The following GRIA1 variants were observed in gnomAD, a reference collection of about 807,000 sequenced individuals.
The protein encoded by GRIA1 is glutamate receptor 1.
Under a neutral mutation model 99.2 loss-of-function variants are expected in GRIA1, and 31 were observed. The ratio of observed to expected loss-of-function variants is 0.31; its 90% confidence interval spans 0.23 to 0.42. The LOEUF (loss-of-function observed/expected upper bound fraction) is 0.42, where lower values mean the gene tolerates loss of function less well. Among genes scored for constraint, GRIA1 ranks in the 10% least tolerant of loss-of-function variants. The pLI, the probability that GRIA1 is intolerant of heterozygous loss-of-function variation, is 1.00. For missense variants in GRIA1, 782 were observed against 1,157.5 expected (o/e 0.68, Z 4.71); for synonymous variants, 438 against 432.4 (o/e 1.01, Z -0.16).
chr5:153,504,959 C>T (rs1036777841), intron 2 of GRIA1, among the ~76,000 whole-genome samples: 3 of 152,142 alleles, frequency 2.0e-5, no homozygotes, highest in African/African-American at 7.2e-5. Context: ...GCCCACACCA[C>T]CAGATGGTAG....
chr5:153,749,371 A>G (rs1235588295), intron 11 of GRIA1, among the ~76,000 whole-genome samples: 2 of 152,130 alleles, frequency 1.3e-5, no homozygotes. Flanking sequence ...CTGGCTGGGT[A>G]ATTTATAAAG....
chr5:153,545,416 A>T (rs757848265), intron 2 of GRIA1, among the ~76,000 whole-genome samples: 112 of 152,240 alleles, frequency 7.4e-4, no homozygotes, highest in Non-Finnish European at 7.4e-4. Flanking sequence ...ACTGGGGGGA[A>T]GTTTGGGTAT....
At chr5:153,712,511 C>T (rs1032936671) in intron 11 of GRIA1, among the ~76,000 whole-genome samples, 2 of 152,142 alleles carry the variant, frequency 1.3e-5, no homozygotes, top group African/African-American at 4.8e-5. Context: ...CTTCCTCTTT[C>T]CCCTCTTTCC....
At chr5:153,658,572 T>C (rs2149467955) in intron 5 of GRIA1, among the ~76,000 whole-genome samples, 1 of 152,350 alleles carries the variant, frequency 6.6e-6, no homozygotes. Flanking sequence ...GTTTGAAACA[T>C]AGTCGAGTAT....
intron 12 of GRIA1, among the ~76,000 whole-genome samples, chr5:153,768,104 G>C (rs1242032874): frequency 6.6e-6 from 1 of 152,178 alleles, no homozygotes; most frequent in Non-Finnish European, 1.5e-5. Flanking sequence ...GTGCCTGGAA[G>C]ATTATCTGCA....
chr5:153,704,574 A>G (rs1424786022), intron 10 of GRIA1, among the ~76,000 whole-genome samples: 1 of 152,138 alleles, frequency 6.6e-6, no homozygotes, highest in African/African-American at 2.4e-5. Flanking sequence ...TAAAAACTGT[A>G]TTATATATGT....
At chr5:153,739,453 C>G (rs1261661557) in intron 11 of GRIA1, among the ~76,000 whole-genome samples, 1 of 152,194 alleles carries the variant, frequency 6.6e-6, no homozygotes, top group Non-Finnish European at 1.5e-5. Context: ...TGATAAATAT[C>G]TGTTGAATAA....
At chr5:153,756,372 G>A (rs1047386273) in intron 11 of GRIA1, among the ~76,000 whole-genome samples, 1 of 152,000 alleles carries the variant, frequency 6.6e-6, no homozygotes, top group Non-Finnish European at 1.5e-5. Flanking sequence ...GTGCCACAGT[G>A]GATCCTGAGG....
chr5:153,743,271 G>T (rs1231150814), intron 11 of GRIA1, among the ~76,000 whole-genome samples: 1 of 152,168 alleles, frequency 6.6e-6, no homozygotes. Context: ...TTCCATTGCT[G>T]TGTAATGAAT....
intron 2 of GRIA1, among the ~76,000 whole-genome samples, chr5:153,523,915 C>A (rs1420553091): frequency 6.6e-6 from 1 of 152,162 alleles, no homozygotes; most frequent in Non-Finnish European, 1.5e-5. Flanking sequence ...TTGAAGACAG[C>A]TTTGAAAAGT....
Position 153,490,857 on chromosome 5 carries a change from TG to T in GRIA1, c.-29del. 2 of 1,518,708 alleles carry T rather than the reference TG, an allele frequency of 1.3e-6. No individual in the cohort carries two copies. The highest frequency in any genetic ancestry group is 1.8e-6 in the Non-Finnish European group (2 of 1,093,090). The allele number at this position is 1,518,708 out of a possible 1,614,324, so 94.1% of individuals were successfully genotyped here. On this transcript the variant is annotated 5_prime_UTR_variant, in exon 1 of 16. Transcript: ENST00000285900. ...GAAACACCAAATCTATGATTGGACC[TG>T]GGCTTCTTTTTCGCCAATGCAAAAA...
At chr5:153,631,010 GAGGAAACAAAAGCTCTTCATTTA>G (rs1752921523) in intron 2 of GRIA1, among the ~76,000 whole-genome samples, 1 of 152,210 alleles carries the variant, frequency 6.6e-6, no homozygotes, top group Non-Finnish European at 1.5e-5. Flanking sequence ...TCTTACAGAT[GAGGAAACAAAAGCTCTTCATTTA>G]AGGAGAGAAA....
intron 2 of GRIA1, among the ~76,000 whole-genome samples, chr5:153,514,289 C>T (rs114593054): frequency 6.6e-6 from 1 of 152,132 alleles, no homozygotes; most frequent in Non-Finnish European, 1.5e-5. Context: ...TGGTTTTTCC[C>T]CTATGTTTTT....
intron 10 of GRIA1, among the ~76,000 whole-genome samples, chr5:153,701,622 A>G (rs1459991256): frequency 7.0e-6 from 1 of 142,874 alleles, no homozygotes; most frequent in Non-Finnish European, 1.6e-5. Flanking sequence ...CCCGTCTCAA[A>G]AAAAAAAAAA....
At chr5:153,533,902 A>G (rs1309968715) in intron 2 of GRIA1, among the ~76,000 whole-genome samples, 1 of 152,234 alleles carries the variant, frequency 6.6e-6, no homozygotes, top group South Asian at 2.1e-4. Context: ...TCTGAGGTTT[A>G]GCATAGAATA....
chr5:153,507,915 C>G (rs1755693954), intron 2 of GRIA1, among the ~76,000 whole-genome samples: 1 of 152,206 alleles, frequency 6.6e-6, no homozygotes, highest in African/African-American at 2.4e-5. Flanking sequence ...ACATGCCTCT[C>G]AGTCTTTCAC....
intron 11 of GRIA1, among the ~76,000 whole-genome samples, chr5:153,719,933 GCT>G (rs1759938347): frequency 6.6e-6 from 1 of 152,114 alleles, no homozygotes. Flanking sequence ...AAAGGCATGT[GCT>G]CTCTCTCTCC....
At position 153,509,162 on chromosome 5, in the gene GRIA1, A is replaced by G. The variant is rs943921455; in HGVS notation, c.220+15097A>G. On this transcript the variant is annotated intron_variant, in intron 2 of 15. Coordinates refer to ENST00000285900, the MANE Select transcript of GRIA1 (RefSeq NM_000827.4). ...GGCATAGATGTGTAATTTTATAACA[A>G]TATCCAATGTAACACAGAGGGGACT... is the stretch of plus-strand genomic sequence containing the variant. Among the ~76,000 whole-genome samples, 5 of 152,208 alleles carry G rather than the reference A, an allele frequency of 3.3e-5. 1 individual carries two copies. Among genetic ancestry groups the G allele is most frequent in the African/African-American group, 1.2e-4 (5 of 41,450 alleles).
chr5:153,675,370 C>G (rs987235219), intron 6 of GRIA1, among the ~76,000 whole-genome samples: 1 of 152,242 alleles, frequency 6.6e-6, no homozygotes, highest in Non-Finnish European at 1.5e-5. Flanking sequence ...AGAGTCCACT[C>G]TCAGTAATCA....
Sources: gnomAD v4.1 joint callset for allele counts (sites outside exome capture counted in the v4.1 genomes callset) on GRCh38, gnomAD v4.1.1 for gene constraint, MANE v1.5 for transcripts, NCBI Gene and HGNC (gene_info 2026-07-23, HGNC 2026-07-21) for gene names.